The following SHANK2 variants were observed in gnomAD, a reference collection of about 807,000 sequenced individuals.
SHANK2 encodes SH3 and multiple ankyrin repeat domains 2.
In SHANK2, 43 loss-of-function variants were observed where a neutral mutation model predicts 133.7. The observed-to-expected ratio is 0.32, with a 90% CI of 0.25 to 0.41. The LOEUF is 0.41. SHANK2 is among the 10% of genes least tolerant of loss of function. The pLI is 1.00. For synonymous variants in SHANK2, 1,017 were observed against 952.8 expected (o/e 1.07, Z -1.24); for missense variants, 1,994 against 2,235.8 (o/e 0.89, Z 2.18).
intron 10 of SHANK2, chr11:70,933,156 T>G (rs1245550204): frequency 2.2e-6 from 1 of 456,482 alleles, no homozygotes; most frequent in Admixed American, 2.3e-5. Flanking sequence ...GTGTGGTGCA[T>G]CCATGCAGGT....
At chr11:70,781,995 A>C (rs1320564935) in intron 14 of SHANK2, among the ~76,000 whole-genome samples, 1 of 152,100 alleles carries the variant, frequency 6.6e-6, no homozygotes, top group Admixed American at 6.5e-5. Context: ...CCTCATTCTC[A>C]GCAAACTATC....
chr11:71,226,080 C>G (rs1179831527), intron 1 of SHANK2, among the ~76,000 whole-genome samples: 4 of 152,140 alleles, frequency 2.6e-5, no homozygotes, highest in Non-Finnish European at 2.9e-5. Flanking sequence ...TGAGATCATG[C>G]CATGCACTCC....
chr11:71,090,088 CGTGTGTGTGTGT>C (rs1302645293), intron 8 of SHANK2, among the ~76,000 whole-genome samples: 5 of 141,140 alleles, frequency 3.5e-5, no homozygotes, highest in East Asian at 2.2e-4. Context: ...AGACACAGAA[CGTGTGTGTGTGT>C]GTGTGTGTGT....
chr11:71,249,685 G>A (rs1217257822), intron 1 of SHANK2, among the ~76,000 whole-genome samples: 12 of 152,208 alleles, frequency 7.9e-5, no homozygotes, highest in African/African-American at 2.9e-4. Context: ...CATCGGGACT[G>A]ACGGGGATCC....
chr11:70,565,034 T>G (rs1554981607), intron 17 of SHANK2, among the ~76,000 whole-genome samples: 1 of 152,218 alleles, frequency 6.6e-6, no homozygotes. Context: ...TAATCCCCAG[T>G]CAATTTTGAT....
chr11:70,510,864 C>T (rs1450566745), intron 17 of SHANK2, among the ~76,000 whole-genome samples: 2 of 152,230 alleles, frequency 1.3e-5, no homozygotes, highest in Non-Finnish European at 2.9e-5. Context: ...ACAGAAGCTG[C>T]GCAGCCACAT....
chr11:70,631,423 C>T (rs1323517706), intron 17 of SHANK2, among the ~76,000 whole-genome samples: 7 of 151,882 alleles, frequency 4.6e-5, no homozygotes, highest in East Asian at 1.9e-4. Flanking sequence ...CACAACCTCC[C>T]TCCCACCTGC....
chr11:70,832,516 C>T (rs1465873837), intron 11 of SHANK2, among the ~76,000 whole-genome samples: 3 of 152,308 alleles, frequency 2.0e-5, no homozygotes, highest in Non-Finnish European at 2.9e-5. Flanking sequence ...CAGCCCTCCT[C>T]CCTGCCCTGC....
chr11:70,885,204 C>CGCGGGGAACCGT (rs1319325643), intron 11 of SHANK2, among the ~76,000 whole-genome samples: 3 of 152,098 alleles, frequency 2.0e-5, no homozygotes, highest in Admixed American at 6.5e-5. Context: ...AGGGGAACCG[C>CGCGGGGAACCGT]GCAGGGACCG....
intron 2 of SHANK2, among the ~76,000 whole-genome samples, chr11:71,194,880 C>A (rs1169324623): frequency 6.6e-6 from 1 of 152,164 alleles, no homozygotes; most frequent in African/African-American, 2.4e-5. Flanking sequence ...TCCTGGGTCC[C>A]AGCGCTACAT....
chr11:70,660,596 G>A (rs1555012996), intron 16 of SHANK2, among the ~76,000 whole-genome samples: 2 of 152,172 alleles, frequency 1.3e-5, no homozygotes, highest in African/African-American at 4.8e-5. Context: ...CAGCTGCCAG[G>A]TGCAACTCCA....
At chr11:70,876,114 C>T (rs1949556914) in intron 11 of SHANK2, among the ~76,000 whole-genome samples, 1 of 151,812 alleles carries the variant, frequency 6.6e-6, no homozygotes, top group African/African-American at 2.4e-5. Flanking sequence ...CGAGATCACA[C>T]CATTGCACTC....
chr11:71,176,672 A>C (rs996189821), intron 2 of SHANK2, among the ~76,000 whole-genome samples: 1 of 152,194 alleles, frequency 6.6e-6, no homozygotes, highest in South Asian at 2.1e-4. Flanking sequence ...CACAAAGAAA[A>C]TAATAATAAC....
chr11:71,212,988 G>A (rs1350170673), intron 2 of SHANK2, among the ~76,000 whole-genome samples: 1 of 151,680 alleles, frequency 6.6e-6, no homozygotes, highest in Non-Finnish European at 1.5e-5. Flanking sequence ...AGGGACCCCA[G>A]GGGGAGGCAC....
At chr11:70,561,720 A>AGG (rs34118874) in intron 17 of SHANK2, among the ~76,000 whole-genome samples, 187 of 151,440 alleles carry the variant, frequency 1.2e-3, no homozygotes, top group African/African-American at 3.4e-3. Context: ...TAGAGATGGC[A>AGG]GGGGGGGTCT....
chr11:70,787,514 A>C (rs1425419704), intron 14 of SHANK2, among the ~76,000 whole-genome samples: 1 of 62,722 alleles, frequency 1.6e-5, no homozygotes, highest in African/African-American at 3.2e-5. Context: ...CACCATCATC[A>C]CCAAGACCAC....
chr11:70,598,145 G>C (rs2060426223), intron 17 of SHANK2, among the ~76,000 whole-genome samples: 1 of 152,228 alleles, frequency 6.6e-6, no homozygotes, highest in Non-Finnish European at 1.5e-5. Context: ...CCGTAGACAG[G>C]GTCCCATAGA....
At chr11:70,701,451 G>T (rs1476051312) in intron 14 of SHANK2, among the ~76,000 whole-genome samples, 14 of 152,210 alleles carry the variant, frequency 9.2e-5, no homozygotes, top group East Asian at 7.7e-4. Context: ...ATCCAGGCTG[G>T]AGTGCAGTGG....
At chr11:70,540,717 T>C (rs1554975008) in intron 17 of SHANK2, among the ~76,000 whole-genome samples, 1 of 151,214 alleles carries the variant, frequency 6.6e-6, no homozygotes, top group Non-Finnish European at 1.5e-5. Flanking sequence ...CTACTAAAAA[T>C]ACAAAAATTA....
Sources: allele counts gnomAD v4.1 joint callset (sites outside exome capture counted in the v4.1 genomes callset), GRCh38; gene constraint gnomAD v4.1.1; transcripts MANE v1.5; gene names NCBI Gene and HGNC (gene_info 2026-07-23, HGNC 2026-07-21).